The following PRPSAP1 variants were observed in gnomAD, a reference collection of about 807,000 sequenced individuals.
The protein encoded by PRPSAP1 is phosphoribosyl pyrophosphate synthetase associated protein 1, also known as phosphoribosyl pyrophosphate synthase-associated protein 1.
Under a neutral mutation model 39.4 loss-of-function variants are expected in PRPSAP1, and 31 were observed. That is an observed-to-expected ratio of 0.79 (90% confidence interval 0.59 to 1.06). PRPSAP1 has a LOEUF of 1.06. PRPSAP1 is among the 50% of genes least tolerant of loss of function. PRPSAP1 has a pLI of 0.00. For synonymous variants in PRPSAP1, 212 were observed against 192.6 expected (o/e 1.10, Z -0.83); for missense variants, 430 against 511.6 (o/e 0.84, Z 1.54).
At chr17:76,336,112 T>C (rs1473402865) in intron 3 of PRPSAP1, among the ~76,000 whole-genome samples, 1 of 152,200 alleles carries the variant, frequency 6.6e-6, no homozygotes, top group Admixed American at 6.5e-5. Context: ...TAAACAATTT[T>C]TGAGAAGTCT....
intron 7 of PRPSAP1, among the ~76,000 whole-genome samples, chr17:76,328,446 TAAA>T (rs1009798475): frequency 4.0e-5 from 6 of 151,886 alleles, no homozygotes; most frequent in Non-Finnish European, 8.8e-5. Context: ...CTGTCTCTAC[TAAA>T]AATACAAAAA....
chr17:76,313,053 C>A, intron 8 of PRPSAP1, 37 bp from the exon 9 acceptor site: 1 of 1,605,024 alleles, frequency 6.2e-7, no homozygotes, highest in Non-Finnish European at 8.5e-7. Context: ...AGGAAAGAAA[C>A]ACCCTCTAGC....
chr17:76,352,729 A>ACC (rs2071592100), intron 1 of PRPSAP1, among the ~76,000 whole-genome samples: 1 of 151,954 alleles, frequency 6.6e-6, no homozygotes, highest in African/African-American at 2.4e-5. Flanking sequence ...GGCCACTATG[A>ACC]GCCCCTACTC....
At chr17:76,347,251 C>A (rs1319067086) in intron 2 of PRPSAP1, among the ~76,000 whole-genome samples, 1 of 151,670 alleles carries the variant, frequency 6.6e-6, no homozygotes, top group Non-Finnish European at 1.5e-5. Context: ...CTTTGGGAGG[C>A]CAAGACGGGT....
At chr17:76,329,764 C>A (rs1905344204) in intron 6 of PRPSAP1, among the ~76,000 whole-genome samples, 1 of 151,798 alleles carries the variant, frequency 6.6e-6, no homozygotes, top group South Asian at 2.1e-4. Context: ...AAAACCATTG[C>A]TTGAAAAATG....
At chr17:76,320,422 G>GTTTT (rs2071182813) in intron 7 of PRPSAP1, among the ~76,000 whole-genome samples, 5 of 86,974 alleles carry the variant, frequency 5.7e-5, no homozygotes, top group Non-Finnish European at 1.1e-4. Context: ...TGCAGATAAT[G>GTTTT]CTTTTTTTTT....
rs74756214 is a variant in PRPSAP1 at position 76,313,491 on chromosome 17, G to A, written c.852+330C>T. The A allele has an allele frequency of 9.0e-3, 2,809 of 312,660 alleles. 64 individuals are homozygous for A. Among genetic ancestry groups the A allele is most frequent in the African/African-American group, 0.049 (2,305 of 47,074 alleles). 19.4% of individuals were successfully genotyped at this position (312,660 alleles called of 1,614,324 possible). Reference sequence around the variant, plus strand: ...GACACCCATTCTTACTTGTGAAAACGGAACAGCTCATCTTCAGTTCATCTT... The same window carrying A: ...GACACCCATTCTTACTTGTGAAAACAGAACAGCTCATCTTCAGTTCATCTT... On this transcript the variant is annotated intron_variant, in intron 8 of 9. Transcript: ENST00000446526.
intron 7 of PRPSAP1, among the ~76,000 whole-genome samples, chr17:76,324,990 C>A (rs1021374432): frequency 6.6e-6 from 1 of 150,746 alleles, no homozygotes; most frequent in African/African-American, 2.4e-5. Flanking sequence ...ATGGTGTGAA[C>A]CTGGGGGGTG....
At chr17:76,343,156 T>C (rs770722227) in intron 3 of PRPSAP1, among the ~76,000 whole-genome samples, 4 of 152,146 alleles carry the variant, frequency 2.6e-5, no homozygotes, top group Non-Finnish European at 4.4e-5. Flanking sequence ...TTATTACTAA[T>C]ATGGTCTGGG....
rs563984523 is a variant in PRPSAP1, at chr17:76,325,822, G to A, written c.781+2895C>T. Among the ~76,000 whole-genome samples, 26 of 151,966 alleles carry A rather than the reference G, an allele frequency of 1.7e-4. No homozygotes were observed. The East Asian group carries it at 4.6e-3, about 27-fold the overall frequency. ...GCGATTTCACAGTGTTAGTCAGGAC[G>A]GTCTCGATCTCCTGACCTCGTGATC... On this transcript the variant is annotated intron_variant, in intron 7 of 9. Transcript: ENST00000446526.
intron 7 of PRPSAP1, among the ~76,000 whole-genome samples, chr17:76,317,827 T>C (rs765495193): frequency 6.6e-6 from 1 of 152,210 alleles, no homozygotes; most frequent in African/African-American, 2.4e-5. Flanking sequence ...CCCCAACATA[T>C]AATCTTTTCA....
chr17:76,346,992 TACA>T (rs1168813515), intron 2 of PRPSAP1, among the ~76,000 whole-genome samples: 2 of 151,808 alleles, frequency 1.3e-5, no homozygotes, highest in Non-Finnish European at 2.9e-5. Flanking sequence ...GGAGAGATGA[TACA>T]ACAACAAGGC....
intron 1 of PRPSAP1, among the ~76,000 whole-genome samples, chr17:76,350,382 T>C (rs906465867): frequency 6.7e-6 from 1 of 150,036 alleles, no homozygotes; most frequent in Non-Finnish European, 1.5e-5. Context: ...GAGCTTACAG[T>C]GAGCAGAGAT....
chr17:76,352,759 T>G (rs1385781683), intron 1 of PRPSAP1, among the ~76,000 whole-genome samples: 1 of 151,916 alleles, frequency 6.6e-6, no homozygotes, highest in Non-Finnish European at 1.5e-5. Context: ...CAGATACTAC[T>G]TCTACATTAT....
At chr17:76,345,504 T>C (rs961983784) in intron 2 of PRPSAP1, among the ~76,000 whole-genome samples, 2 of 150,838 alleles carry the variant, frequency 1.3e-5, no homozygotes, top group African/African-American at 2.4e-5. Flanking sequence ...CAAGTGCCTG[T>C]AGTCCCAGTG....
intron 3 of PRPSAP1, among the ~76,000 whole-genome samples, chr17:76,334,030 A>C (rs2071353829): frequency 6.6e-6 from 1 of 152,224 alleles, no homozygotes; most frequent in African/African-American, 2.4e-5. Context: ...CTGGGATTAC[A>C]GGCATGCGCC....
intron 1 of PRPSAP1, among the ~76,000 whole-genome samples, chr17:76,351,446 C>T (rs1028202160): frequency 6.6e-6 from 1 of 152,024 alleles, no homozygotes; most frequent in African/African-American, 2.4e-5. Flanking sequence ...ACCCTGGGGG[C>T]GTAGCCTGCA....
chr17:76,330,296 A>T (rs940916362), intron 5 of PRPSAP1, 198 bp from the exon 6 acceptor site: 17 of 592,942 alleles, frequency 2.9e-5, no homozygotes, highest in Middle Eastern at 4.5e-4. Context: ...AGAATTTTTT[A>T]AAAATAATTC....
intron 2 of PRPSAP1, 52 bp from the exon 3 acceptor site, chr17:76,344,789 G>C (rs768278418): frequency 5.7e-6 from 8 of 1,407,476 alleles, no homozygotes; most frequent in Non-Finnish European, 7.8e-6. Flanking sequence ...ATGTTAAAAA[G>C]GAGAAAAAAG....
Sources: allele counts gnomAD v4.1 joint callset (sites outside exome capture counted in the v4.1 genomes callset), GRCh38; gene constraint gnomAD v4.1.1; transcripts MANE v1.5; gene names NCBI Gene and HGNC (gene_info 2026-07-23, HGNC 2026-07-21).